Variants in PHACTR1 observed in about 807,000 individuals in gnomAD.
PHACTR1 encodes the protein RPEL repeat containing 1.
Under a neutral mutation model 69.2 loss-of-function variants are expected in PHACTR1, and 16 were observed. The observed-to-expected ratio is 0.23, with a 90% CI of 0.16 to 0.35. PHACTR1 has a LOEUF of 0.35. PHACTR1 is among the 10% of genes least tolerant of loss of function. The pLI, the probability that PHACTR1 is intolerant of heterozygous loss-of-function variation, is 1.00. For missense variants in PHACTR1, 510 were observed against 734.7 expected (o/e 0.69, Z 3.54); for synonymous variants, 312 against 284.5 (o/e 1.10, Z -0.97).
intron 6 of PHACTR1, among the ~76,000 whole-genome samples, chr6:13,166,115 T>G (rs537419758): frequency 5.4e-4 from 82 of 152,226 alleles, no homozygotes; most frequent in Non-Finnish European, 1.0e-3. Context: ...CTGCGCCTTC[T>G]TCCAGAAGCC....
At chr6:12,960,487 T>C (rs1435018176) in intron 4 of PHACTR1, among the ~76,000 whole-genome samples, 4 of 152,114 alleles carry the variant, frequency 2.6e-5, no homozygotes, top group East Asian at 1.9e-4. Flanking sequence ...GACAGAAGGG[T>C]CAATTGAACT....
In PHACTR1 at chr6:12,832,253, T is replaced by C. The variant is rs957414308; in HGVS notation, c.250+82463T>C. Reference sequence around the variant, plus strand: ...AGTCTGAAATTCCAGGGTACAGCACTTATTATAGGGAGAACACTTGGAAAG... The same window carrying C: ...AGTCTGAAATTCCAGGGTACAGCACCTATTATAGGGAGAACACTTGGAAAG... On this transcript the variant is annotated intron_variant, in intron 4 of 14. Transcript: ENST00000332995. Among the ~76,000 whole-genome samples the C allele has an allele frequency of 3.3e-5, 5 of 152,206 alleles. No homozygotes were observed. In the East Asian group the frequency reaches 9.6e-4, roughly 29 times the overall value.
rs368656534 is a variant in PHACTR1, at chr6:12,902,022, A to T, written c.251-151343A>T. Among the ~76,000 whole-genome samples, 431 of 152,234 alleles carry T rather than the reference A, an allele frequency of 2.8e-3. 4 individuals are homozygous for T. The highest frequency in any genetic ancestry group is 9.7e-3 in the African/African-American group (404 of 41,540). On this transcript the variant is annotated intron_variant, in intron 4 of 14. Transcript: ENST00000332995. ...GGAGGGGCTGGAGAATGCTACTGGC[A>T]TCTAACAGTGTAGCCAGGGAGTTGC...
At chr6:12,860,204 T>A (rs1780806642) in intron 4 of PHACTR1, among the ~76,000 whole-genome samples, 1 of 152,104 alleles carries the variant, frequency 6.6e-6, no homozygotes, top group South Asian at 2.1e-4. Flanking sequence ...TCGGTGCCCA[T>A]ATGTTCCCAT....
At chr6:13,240,745 C>T (rs1772719941) in intron 10 of PHACTR1, among the ~76,000 whole-genome samples, 1 of 152,160 alleles carries the variant, frequency 6.6e-6, no homozygotes, top group Non-Finnish European at 1.5e-5. Context: ...CTGTACCCAG[C>T]CAGGATATTT....
At chr6:12,742,617 A>G (rs1013224387) in intron 3 of PHACTR1, among the ~76,000 whole-genome samples, 4 of 152,154 alleles carry the variant, frequency 2.6e-5, no homozygotes, top group African/African-American at 7.2e-5. Flanking sequence ...CCCTTATTCA[A>G]GATGGATTTG....
In PHACTR1 at chr6:13,240,090, C is replaced by T. The variant is rs183151541; in HGVS notation, c.1391+9897C>T. On this transcript the variant is annotated intron_variant, in intron 10 of 14. Transcript: ENST00000332995. ...GTGGCCATTCTTGGAGGTTGTGAGT[C>T]TTACTTTGTTTTATATTTCATAGCT... 2.7e-5 allele frequency among the ~76,000 whole-genome samples: 4 copies of T among 149,850 alleles called. No homozygotes were observed. The East Asian group carries it at 5.8e-4, about 22-fold the overall frequency.
chr6:12,981,212 G>A (rs974710864), intron 4 of PHACTR1, among the ~76,000 whole-genome samples: 1 of 152,158 alleles, frequency 6.6e-6, no homozygotes, highest in Non-Finnish European at 1.5e-5. Flanking sequence ...TTTTTTCAGA[G>A]CTGATTTCAT....
At chr6:13,247,808 C>T (rs1402019439) in intron 10 of PHACTR1, among the ~76,000 whole-genome samples, 1 of 152,052 alleles carries the variant, frequency 6.6e-6, no homozygotes, top group Non-Finnish European at 1.5e-5. Flanking sequence ...CTGCGATGAT[C>T]AAACCTGTGA....
At chr6:12,840,492 G>A (rs1778582836) in intron 4 of PHACTR1, among the ~76,000 whole-genome samples, 1 of 152,136 alleles carries the variant, frequency 6.6e-6, no homozygotes, top group African/African-American at 2.4e-5. Context: ...TCCAGGGATC[G>A]ACTTGTAGAA....
intron 4 of PHACTR1, among the ~76,000 whole-genome samples, chr6:12,949,500 T>C (rs555284134): frequency 6.2e-4 from 95 of 152,172 alleles, no homozygotes; most frequent in Admixed American, 1.0e-3. Context: ...CTGTGTTTGT[T>C]TGGGGAGCTT....
In PHACTR1 at chr6:13,122,946, T is replaced by G. The variant is rs189772467; in HGVS notation, c.416-37258T>G. Among the ~76,000 whole-genome samples the G allele has an allele frequency of 2.6e-5, 4 of 151,770 alleles. No homozygotes were observed. The East Asian group carries it at 7.7e-4, about 29-fold the overall frequency. ...ACATATTCAGTGTTTTTTGTTTCTTTCATTTTGTTTAATTACCTGGCTTCT... is the reference window on the plus strand; with the variant it reads ...ACATATTCAGTGTTTTTTGTTTCTTGCATTTTGTTTAATTACCTGGCTTCT... On this transcript the variant is annotated intron_variant, in intron 5 of 14. Transcript: ENST00000332995.
intron 4 of PHACTR1, among the ~76,000 whole-genome samples, chr6:13,051,153 A>G (rs543696188): frequency 6.6e-6 from 1 of 151,998 alleles, no homozygotes; most frequent in Admixed American, 6.5e-5. Context: ...GATCTATTTT[A>G]CCAGGTTCCA....
At chr6:13,152,683 A>G (rs140450010) in intron 5 of PHACTR1, among the ~76,000 whole-genome samples, 77 of 152,314 alleles carry the variant, frequency 5.1e-4, no homozygotes, top group Non-Finnish European at 9.7e-4. Flanking sequence ...AACTAGTGCA[A>G]AGATTGGTGT....
chr6:13,198,150 T>G (rs1205646809), intron 7 of PHACTR1, among the ~76,000 whole-genome samples: 1 of 152,226 alleles, frequency 6.6e-6, no homozygotes, highest in African/African-American at 2.4e-5. Context: ...TGCACTAGGC[T>G]TAGTTCATTC....
intron 10 of PHACTR1, among the ~76,000 whole-genome samples, chr6:13,252,108 T>C (rs556922627): frequency 6.7e-6 from 1 of 149,342 alleles, no homozygotes; most frequent in African/African-American, 2.5e-5. Context: ...CGGTGACTTA[T>C]GCCCATAATC....
intron 5 of PHACTR1, among the ~76,000 whole-genome samples, chr6:13,129,695 C>T (rs539356564): frequency 1.7e-4 from 26 of 152,052 alleles, no homozygotes; most frequent in Non-Finnish European, 2.5e-4. Context: ...TAGACAGCAA[C>T]ACAATAATAG....
chr6:13,286,970 G>T, intron 14 of PHACTR1, 93 bp from the exon 15 acceptor site: 1 of 1,393,814 alleles, frequency 7.2e-7, no homozygotes, highest in Admixed American at 2.1e-5. Context: ...TCCCTCTCAC[G>T]GTCAAGAACC....
intron 4 of PHACTR1, among the ~76,000 whole-genome samples, chr6:12,971,667 GT>G (rs1794225335): frequency 6.6e-6 from 1 of 152,208 alleles, no homozygotes; most frequent in African/African-American, 2.4e-5. Context: ...TGATGGAACT[GT>G]TCTAAAATTA....
Sources: allele counts gnomAD v4.1 joint callset (sites outside exome capture counted in the v4.1 genomes callset), GRCh38; gene constraint gnomAD v4.1.1; transcripts MANE v1.5; gene names NCBI Gene and HGNC (gene_info 2026-07-23, HGNC 2026-07-21).